Variants in GTF2IRD1 observed in about 807,000 individuals in gnomAD.
GTF2IRD1 encodes general transcription factor II-I repeat domain-containing protein 1.
GTF2IRD1 carries 26 observed loss-of-function variants against 113.2 expected under a neutral mutation model. The ratio of observed to expected loss-of-function variants is 0.23; its 90% CI spans 0.17 to 0.32. The LOEUF is 0.32. GTF2IRD1 is among the 10% of genes least tolerant of loss of function. The pLI is 1.00. For missense variants in GTF2IRD1, 864 were observed against 1,280.8 expected (o/e 0.67, Z 4.97); for synonymous variants, 484 against 529.1 (o/e 0.91, Z 1.17).
At chr7:74,561,240 T>G (rs1799942173) in intron 22 of GTF2IRD1, among the ~76,000 whole-genome samples, 1 of 151,050 alleles carries the variant, frequency 6.6e-6, no homozygotes, top group Non-Finnish European at 1.5e-5. Flanking sequence ...TCCCAGCTAC[T>G]TGGGAGGCTG....
intron 12 of GTF2IRD1, among the ~76,000 whole-genome samples, 197 bp downstream of exon 12, chr7:74,538,370 A>G (rs754469924): frequency 2.6e-5 from 4 of 152,204 alleles, no homozygotes; most frequent in Non-Finnish European, 4.4e-5. Flanking sequence ...GGTCAGGGAC[A>G]TGGAGAGCTG....
chr7:74,546,383 G>A (rs1337090028), intron 16 of GTF2IRD1, among the ~76,000 whole-genome samples: 9 of 151,938 alleles, frequency 5.9e-5, no homozygotes, highest in African/African-American at 1.2e-4. Flanking sequence ...CACCATACCC[G>A]GCTAATTTTT....
chr7:74,500,121 A>AGGGCTT (rs1232667616), intron 1 of GTF2IRD1, among the ~76,000 whole-genome samples: 1 of 152,160 alleles, frequency 6.6e-6, no homozygotes, highest in Non-Finnish European at 1.5e-5. Context: ...GCATGGTGTA[A>AGGGCTT]GGGCTTGGGC....
At chr7:74,458,004 G>A (rs1260032442) in intron 1 of GTF2IRD1, among the ~76,000 whole-genome samples, 3 of 151,132 alleles carry the variant, frequency 2.0e-5, no homozygotes, top group African/African-American at 7.3e-5. Flanking sequence ...TCAAGTAGCC[G>A]GGATTACAGG....
At chr7:74,521,462 G>A (rs2130306440) in intron 7 of GTF2IRD1, among the ~76,000 whole-genome samples, 165 bp downstream of exon 7, 1 of 152,170 alleles carries the variant, frequency 6.6e-6, no homozygotes, top group East Asian at 1.9e-4. Context: ...ATCTATTGCT[G>A]TGTGATAAAC....
intron 22 of GTF2IRD1, among the ~76,000 whole-genome samples, chr7:74,565,594 G>A (rs902413648): frequency 5.3e-4 from 80 of 152,098 alleles, no homozygotes; most frequent in African/African-American, 1.7e-3. Flanking sequence ...GGGAAGAAGC[G>A]GTGGTGACTA....
intron 22 of GTF2IRD1, among the ~76,000 whole-genome samples, chr7:74,576,618 T>TGTC (rs1554364629): frequency 4.7e-5 from 1 of 21,088 alleles, no homozygotes; most frequent in African/African-American, 1.8e-4. Flanking sequence ...TTTCCTTGTC[T>TGTC]TTTTTTTTTT....
chr7:74,526,396 C>T (rs925876630), intron 8 of GTF2IRD1, among the ~76,000 whole-genome samples: 2 of 152,210 alleles, frequency 1.3e-5, no homozygotes, highest in South Asian at 2.1e-4. Flanking sequence ...CCAAGGCATT[C>T]CACTGGTCGT....
At chr7:74,508,802 A>G (rs73364477) in intron 2 of GTF2IRD1, among the ~76,000 whole-genome samples, 15,265 of 151,952 alleles carry the variant, frequency 0.1, 1,905 homozygotes, top group East Asian at 0.39. Context: ...GATGAACCAC[A>G]TGCCTATCTC....
chr7:74,541,442 A>ATC (rs782683841), intron 14 of GTF2IRD1, among the ~76,000 whole-genome samples: 24 of 152,080 alleles, frequency 1.6e-4, no homozygotes, highest in Non-Finnish European at 3.2e-4. Flanking sequence ...CCTGGGCAAC[A>ATC]TGGTGAAACC....
chr7:74,551,204 G>A (rs782216449), intron 17 of GTF2IRD1, among the ~76,000 whole-genome samples: 8 of 152,150 alleles, frequency 5.3e-5, no homozygotes, highest in Non-Finnish European at 1.2e-4. Flanking sequence ...TTAGCTGGGC[G>A]TGGTGGTGCA....
intron 1 of GTF2IRD1, among the ~76,000 whole-genome samples, chr7:74,488,631 G>A (rs1455107128): frequency 2.0e-5 from 3 of 151,158 alleles, no homozygotes; most frequent in South Asian, 2.1e-4. Context: ...GGTGGCAGGC[G>A]CCCGTAGTCC....
chr7:74,567,694 TC>T (rs1384017117), intron 22 of GTF2IRD1, among the ~76,000 whole-genome samples: 1 of 151,968 alleles, frequency 6.6e-6, no homozygotes, highest in Non-Finnish European at 1.5e-5. Flanking sequence ...CTGCCACACA[TC>T]GGGGGGGTCA....
chr7:74,545,879 C>T, intron 16 of GTF2IRD1, 70 bp downstream of exon 16: 6 of 1,140,012 alleles, frequency 5.3e-6, no homozygotes, highest in Non-Finnish European at 8.0e-6. Context: ...TGCAGAAGGG[C>T]TTTGGTCGCA....
chr7:74,498,109 G>A (rs939088300), intron 1 of GTF2IRD1, among the ~76,000 whole-genome samples: 1 of 151,968 alleles, frequency 6.6e-6, no homozygotes, highest in African/African-American at 2.4e-5. Context: ...CTGTTTTATG[G>A]CCATTTGTAT....
intron 1 of GTF2IRD1, among the ~76,000 whole-genome samples, chr7:74,504,026 T>C (rs1161506270): frequency 6.6e-6 from 1 of 152,218 alleles, no homozygotes. Flanking sequence ...TTTCTGTTTC[T>C]ATGTTAATTT....
intron 1 of GTF2IRD1, among the ~76,000 whole-genome samples, chr7:74,481,032 A>G (rs1274949198): frequency 6.6e-6 from 1 of 152,194 alleles, no homozygotes; most frequent in Non-Finnish European, 1.5e-5. Context: ...GGAAGGCAGC[A>G]TGAATCCCTG....
chr7:74,547,342 G>A (rs1799004098), intron 17 of GTF2IRD1, 56 bp downstream of exon 17: 2 of 1,368,050 alleles, frequency 1.5e-6, no homozygotes, highest in East Asian at 4.9e-5. Flanking sequence ...GCACCAAGGG[G>A]CAGGAGCAGC....
chr7:74,508,903 C>T (rs1431945575), intron 2 of GTF2IRD1, among the ~76,000 whole-genome samples: 5 of 152,058 alleles, frequency 3.3e-5, no homozygotes, highest in Non-Finnish European at 7.4e-5. Flanking sequence ...AACTGCATCT[C>T]GGGCAGGAAG....
Sources: gnomAD v4.1 joint callset for allele counts (sites outside exome capture counted in the v4.1 genomes callset) on GRCh38, gnomAD v4.1.1 for gene constraint, MANE v1.5 for transcripts, NCBI Gene and HGNC (gene_info 2026-07-23, HGNC 2026-07-21) for gene names.